ME1: variants seen among roughly 807,000 people sequenced by gnomAD.
ME1 encodes the protein NADP-dependent malic enzyme.
Under a neutral mutation model 66.4 loss-of-function variants are expected in ME1, and 74 were observed. The observed-to-expected ratio is 1.11, with a 90% confidence interval of 0.92 to 1.35. The LOEUF (loss-of-function observed/expected upper bound fraction) is 1.35. Ranked by LOEUF, ME1 falls within the 40% of genes most tolerant of loss-of-function variation. ME1 has a pLI of 0.00. For synonymous variants in ME1, 251 were observed against 235.6 expected (o/e 1.07, Z -0.60); for missense variants, 750 against 694.1 (o/e 1.08, Z -0.90).
chr6:83,254,802 A>T (rs535087096), intron 6 of ME1, among the ~76,000 whole-genome samples: 8 of 152,208 alleles, frequency 5.3e-5, no homozygotes, highest in African/African-American at 1.9e-4. Context: ...GTCCCCAAGC[A>T]TTTTCAGGAC....
intron 6 of ME1, among the ~76,000 whole-genome samples, chr6:83,285,639 T>A (rs1319006112): frequency 1.3e-5 from 2 of 152,098 alleles, no homozygotes; most frequent in African/African-American, 4.8e-5. Flanking sequence ...AAGAAAGGCA[T>A]GGAGACACCT....
At chr6:83,251,366 G>A (rs987068397) in intron 7 of ME1, among the ~76,000 whole-genome samples, 7 of 151,724 alleles carry the variant, frequency 4.6e-5, no homozygotes, top group Non-Finnish European at 8.8e-5. Context: ...GCAGTGGCAC[G>A]CACCTGTAAT....
chr6:83,427,352 T>C (rs936909822), intron 1 of ME1, among the ~76,000 whole-genome samples: 16 of 152,158 alleles, frequency 1.1e-4, no homozygotes, highest in African/African-American at 3.6e-4. Flanking sequence ...TCATACCATA[T>C]CTACTGTTAA....
intron 5 of ME1, among the ~76,000 whole-genome samples, chr6:83,334,099 G>C (rs908330290): frequency 6.6e-6 from 1 of 152,164 alleles, no homozygotes; most frequent in Non-Finnish European, 1.5e-5. Context: ...GCGCAGGCCA[G>C]TGTGTGCGTG....
intron 2 of ME1, 57 bp from the exon 3 acceptor site, chr6:83,398,573 T>C: frequency 1.2e-6 from 1 of 862,192 alleles, no homozygotes. Flanking sequence ...AATAGCTACT[T>C]AGAAATCTAA....
At chr6:83,244,641 CAT>C (rs971768502) in intron 7 of ME1, among the ~76,000 whole-genome samples, 4 of 152,000 alleles carry the variant, frequency 2.6e-5, no homozygotes, top group Admixed American at 6.6e-5. Flanking sequence ...TGCTTCCTGT[CAT>C]GTGTTATTCT....
intron 3 of ME1, among the ~76,000 whole-genome samples, chr6:83,387,645 C>G (rs1769536400): frequency 6.6e-6 from 1 of 152,012 alleles, no homozygotes; most frequent in African/African-American, 2.4e-5. Context: ...ATAATGAATA[C>G]TCTACTTCAA....
At chr6:83,323,510 C>T (rs1260305388) in intron 5 of ME1, among the ~76,000 whole-genome samples, 1 of 147,670 alleles carries the variant, frequency 6.8e-6, no homozygotes, top group African/African-American at 2.5e-5. Flanking sequence ...AAACAAAAAA[C>T]AAAAAAAAAA....
chr6:83,298,931 GTTTTTTTTTTTTTTTTTTTT>G (rs61055748), intron 6 of ME1, among the ~76,000 whole-genome samples: 26 of 22,498 alleles, frequency 1.2e-3, no homozygotes, highest in Non-Finnish European at 1.7e-3. Flanking sequence ...CTATGTGTCT[GTTTTTTTTTTTTTTTTTTTT>G]TTTTTTTTTT....
In ME1 at chr6:83,346,265, G is replaced by C. The variant is rs149667356; in HGVS notation, c.508C>G (p.Pro170Ala). 6.2e-7 allele frequency: 1 copy of C among 1,613,214 alleles called. No individual in the cohort carries two copies. The highest frequency in any genetic ancestry group is 2.2e-5 in the East Asian group (1 of 44,836). ...GDLGCNGMGI[P>A]VGKLALYTAC... ...GTATATAGAGCCAATTTACCCACAG[G>C]GATGCCCATTCCATTACAGCCAAGG... Residue 170 changes from proline (P) to alanine (A), a missense_variant, in exon 5 of 14, where the codon CCT (proline) becomes GCT (alanine). Pro to Ala is a conservative substitution (Grantham distance 27). Coordinates refer to ENST00000369705, the MANE Select transcript of ME1 (RefSeq NM_002395.6).
intron 1 of ME1, among the ~76,000 whole-genome samples, chr6:83,424,043 G>A (rs905774792): frequency 6.6e-6 from 1 of 150,498 alleles, no homozygotes; most frequent in African/African-American, 2.4e-5. Flanking sequence ...GCTGCAGTGA[G>A]CTGTGATCAC....
intron 2 of ME1, among the ~76,000 whole-genome samples, chr6:83,403,160 A>AT (rs1769868644): frequency 6.6e-6 from 1 of 152,164 alleles, no homozygotes; most frequent in Admixed American, 6.5e-5. Flanking sequence ...GGGTTGGTGC[A>AT]TTTTTGGTTG....
intron 5 of ME1, among the ~76,000 whole-genome samples, chr6:83,319,684 C>T (rs1398122994): frequency 6.6e-6 from 1 of 152,092 alleles, no homozygotes; most frequent in Non-Finnish European, 1.5e-5. Flanking sequence ...AAGGCAAAAC[C>T]AAAAGCCCAA....
intron 6 of ME1, among the ~76,000 whole-genome samples, chr6:83,287,671 T>C (rs952304655): frequency 6.6e-6 from 1 of 152,214 alleles, no homozygotes; most frequent in African/African-American, 2.4e-5. Flanking sequence ...ATACACTCAG[T>C]AATGGGAAAG....
chr6:83,258,618 C>T (rs1281050190), intron 6 of ME1, among the ~76,000 whole-genome samples: 1 of 152,076 alleles, frequency 6.6e-6, no homozygotes, highest in Non-Finnish European at 1.5e-5. Context: ...TGACAAATAC[C>T]ATATTACAGT....
intron 3 of ME1, among the ~76,000 whole-genome samples, chr6:83,359,893 G>C (rs912768360): frequency 6.6e-6 from 1 of 152,200 alleles, no homozygotes; most frequent in Admixed American, 6.5e-5. Context: ...GGATCCTGAG[G>C]TGGCAGGGGC....
chr6:83,422,129 C>A (rs985194317), intron 1 of ME1, among the ~76,000 whole-genome samples: 7 of 152,172 alleles, frequency 4.6e-5, no homozygotes, highest in East Asian at 3.8e-4. Flanking sequence ...CTTCTACACT[C>A]ACTTTTGAGC....
chr6:83,218,767 A>C (rs1053840173), intron 12 of ME1, among the ~76,000 whole-genome samples: 1 of 152,216 alleles, frequency 6.6e-6, no homozygotes, highest in Non-Finnish European at 1.5e-5. Flanking sequence ...AGTAGTCTTT[A>C]ACAAAAAGAG....
intron 6 of ME1, 42 bp downstream of exon 6, chr6:83,315,268 T>C: frequency 8.3e-7 from 1 of 1,203,354 alleles, no homozygotes; most frequent in Middle Eastern, 2.2e-4. Flanking sequence ...TCTGTTATGT[T>C]ATTGTTACTG....
Sources: allele counts gnomAD v4.1 joint callset (sites outside exome capture counted in the v4.1 genomes callset), GRCh38; gene constraint gnomAD v4.1.1; transcripts MANE v1.5; gene names NCBI Gene and HGNC (gene_info 2026-07-23, HGNC 2026-07-21).